The following HECTD4 variants were observed in gnomAD, a reference collection of about 807,000 sequenced individuals.
The protein encoded by HECTD4 is HECT domain E3 ubiquitin protein ligase 4, also known as probable E3 ubiquitin-protein ligase HECTD4.
Under a neutral mutation model 471.5 loss-of-function variants are expected in HECTD4, and 114 were observed. That is an observed-to-expected ratio of 0.24 (90% CI 0.21 to 0.28). HECTD4 has a LOEUF of 0.28. Among genes scored for constraint, HECTD4 ranks in the 10% least tolerant of loss-of-function variants. The pLI is 1.00. For synonymous variants in HECTD4, 2,012 were observed against 2,256.0 expected, an observed-to-expected ratio of 0.89 and a Z score of 3.07; for missense variants, 3,866 against 5,651.5, an observed-to-expected ratio of 0.68 and a Z score of 10.13.
intron 9 of HECTD4, 63 bp from the exon 10 acceptor site, chr12:112,275,023 A>C: frequency 9.7e-7 from 1 of 1,026,642 alleles, no homozygotes. Context: ...TTTAAATTTT[A>C]GGCTTTTAAC....
intron 54 of HECTD4, 60 bp downstream of exon 54, chr12:112,203,576 G>A (rs2032491673): frequency 1.4e-6 from 2 of 1,393,568 alleles, no homozygotes; most frequent in African/African-American, 1.4e-5. Context: ...CTGGGAATCT[G>A]GGTATGACAG....
Position 112,270,215 on chromosome 12 carries a change from CA to C in HECTD4, c.2175+11del. Reference sequence around the variant, plus strand: ...CTCTATCATCTTATTTATTTCAAAACAGTGTATTTACCTGAAAGACAACGAG... The same window carrying C: ...CTCTATCATCTTATTTATTTCAAAACGTGTATTTACCTGAAAGACAACGAG... On this transcript the variant is annotated intron_variant, in intron 12 of 75. Transcript: ENST00000682272. 6.3e-7 allele frequency: 1 copy of C among 1,599,036 alleles called. No individual in the cohort carries two copies. The highest frequency in any genetic ancestry group is 2.2e-5 in the East Asian group (1 of 44,788).
At chr12:112,172,529 C>T (rs112882774) in intron 67 of HECTD4, 142 bp downstream of exon 67, 1 of 804,520 alleles carries the variant, frequency 1.2e-6, no homozygotes, top group Non-Finnish European at 2.0e-6. Flanking sequence ...CCCACTCTTC[C>T]TTGCACACCT....
Position 112,193,657 on chromosome 12 carries a change from T to G in HECTD4, c.8767A>C (p.Ser2923Arg). 6.2e-7 allele frequency: 1 copy of G among 1,612,204 alleles called. No homozygotes were observed. The highest frequency in any genetic ancestry group is 8.5e-7 in the Non-Finnish European group (1 of 1,179,178). ...AAAGACTGCGCCAGGAGGATCGAGC[T>G]GGAGCTGATGGTGCCGTCTGGGGAC... ...PPLPDGTISS[S>R]SILLAQSLQH... Residue 2923 changes from serine to arginine, a missense_variant, in exon 57 of 76, where the codon AGC becomes CGC. Physicochemically the swap from Ser to Arg is moderately radical, Grantham distance 110 (BLOSUM62 -1). Coordinates refer to ENST00000682272, the MANE Select transcript of HECTD4 (RefSeq NM_001388303.1). The surrounding 1 kb of genome is among the most constrained non-coding windows in gnomAD (Gnocchi z 5.2).
At position 112,274,260 on chromosome 12, in the gene HECTD4, G is replaced by A. The variant is rs115224048; in HGVS notation, c.1802-465C>T. 2.1e-3 allele frequency among the ~76,000 whole-genome samples: 313 copies of A among 152,232 alleles called. 2 individuals are homozygous for A. The highest frequency in any genetic ancestry group is 7.2e-3 in the African/African-American group (299 of 41,524). The stretch of plus-strand genomic sequence containing the variant: ...ATAACAGGTATACCAATTCCTCACA[G>A]GAAATAAACTTTTTGTGGCATAAAC... On this transcript the variant is annotated intron_variant, in intron 10 of 75. Transcript: ENST00000682272.
rs1376071306 is a variant in HECTD4, at chr12:112,162,684, G to A, written c.13121-161C>T. 49 of 770,010 alleles carry A rather than the reference G, an allele frequency of 6.4e-5. No individual in the cohort carries two copies. In the East Asian group the frequency reaches 1.3e-3, roughly 20 times the overall value. 47.7% of individuals were successfully genotyped at this position (770,010 alleles called of 1,614,324 possible). A position where few individuals can be genotyped will look rare whatever the true frequency, so the allele number is the denominator to read the frequency against. On this transcript the variant is annotated intron_variant, in intron 75 of 75. Coordinates refer to ENST00000682272, the MANE Select transcript of HECTD4 (RefSeq NM_001388303.1). This position sits in a 1 kb window ranked among gnomAD's most constrained non-coding sequence, Gnocchi z 5.2. ...ATGAGGGCCTGGGAACCTGCGAGATGTTCTTGGAGGGAAAAGGGGAGAGAG... is the reference window on the plus strand; with the variant it reads ...ATGAGGGCCTGGGAACCTGCGAGATATTCTTGGAGGGAAAAGGGGAGAGAG...
In HECTD4 at chr12:112,313,481, A is replaced by ATTTT. The variant is rs34438364; in HGVS notation, c.786-338_786-335dup. Reference sequence around the variant, plus strand: ...AGTCACCTGCCACAATGCCCGGCTAATTTTTTTTTTTTTTTTTTTTTTTTG... The same window carrying ATTTT: ...AGTCACCTGCCACAATGCCCGGCTAATTTTTTTTTTTTTTTTTTTTTTTTTTTTG... On this transcript the variant is annotated intron_variant, in intron 3 of 75. Coordinates refer to ENST00000682272, the MANE Select transcript of HECTD4 (RefSeq NM_001388303.1). Among the ~76,000 whole-genome samples, 12 of 58,928 alleles carry ATTTT rather than the reference A, an allele frequency of 2.0e-4. 1 individual carries two copies. Among genetic ancestry groups the ATTTT allele is most frequent in the African/African-American group, 5.2e-4 (7 of 13,560 alleles). 38.7% of individuals were successfully genotyped at this position (58,928 alleles called of 152,430 possible).
rs2033492289 is a variant in HECTD4 at position 112,235,904 on chromosome 12, T to A, written c.5445-120A>T. On this transcript the variant is annotated intron_variant, in intron 35 of 75. Transcript: ENST00000682272. The surrounding 1 kb of genome is among the most constrained non-coding windows in gnomAD (Gnocchi z 5.0). ...ATCTGATTTCACGAGGAATCATGAA[T>A]GTGGCACTATGCTTCTGTGAAGAAT... The A allele has an allele frequency of 1.2e-5, 10 of 834,020 alleles. No homozygotes were observed. In the South Asian group the frequency reaches 1.7e-4, roughly 14 times the overall value. The allele number at this position is 834,020 out of a possible 1,614,324, so 51.7% of individuals were successfully genotyped here.
intron 44 of HECTD4, among the ~76,000 whole-genome samples, chr12:112,222,424 T>G (rs143154192): frequency 1.3e-5 from 2 of 152,270 alleles, no homozygotes; most frequent in South Asian, 4.1e-4. Flanking sequence ...CCCAGCACTT[T>G]GGGAGGTTGA....
At chr12:112,316,126 C>T (rs2035473011) in intron 2 of HECTD4, among the ~76,000 whole-genome samples, 1 of 152,000 alleles carries the variant, frequency 6.6e-6, no homozygotes, top group Non-Finnish European at 1.5e-5. Flanking sequence ...CATCTCCTGC[C>T]CCTCTCCTTC....
chr12:112,360,939 G>A (rs1308523798), intron 1 of HECTD4, among the ~76,000 whole-genome samples: 4 of 150,072 alleles, frequency 2.7e-5, no homozygotes, highest in African/African-American at 4.9e-5. Context: ...AGCTGAGATC[G>A]CGCCATTGCA....
At chr12:112,308,077 C>T (rs917521093) in intron 6 of HECTD4, among the ~76,000 whole-genome samples, 1 of 152,202 alleles carries the variant, frequency 6.6e-6, no homozygotes. Flanking sequence ...TTGCCTAGGC[C>T]AAGGCCTAGC....
chr12:112,379,551 C>T (rs919665200), intron 1 of HECTD4, among the ~76,000 whole-genome samples: 7 of 151,640 alleles, frequency 4.6e-5, no homozygotes, highest in African/African-American at 1.7e-4. Context: ...AAAATTAGCC[C>T]GGCATGGTGG....
In HECTD4 at chr12:112,194,105, C is replaced by T. The variant is rs1218694699; in HGVS notation, c.8750-431G>A. On this transcript the variant is annotated intron_variant, in intron 56 of 75. Coordinates refer to ENST00000682272, the MANE Select transcript of HECTD4 (RefSeq NM_001388303.1). This position sits in a 1 kb window ranked among gnomAD's most constrained non-coding sequence, Gnocchi z 4.6. ...CTTCTGCCACCACATTTGATGCTTT[C>T]CAGGTATATTTCAGGGCATCTAAGT... Among the ~76,000 whole-genome samples the T allele has an allele frequency of 6.6e-6, 1 of 152,158 alleles. No individual in the cohort carries two copies. The highest frequency in any genetic ancestry group is 1.5e-5 in the Non-Finnish European group (1 of 68,032).
At position 112,228,409 on chromosome 12, in the gene HECTD4, A is replaced by G. The variant is rs1032394546; in HGVS notation, c.6685-151T>C. Among the ~76,000 whole-genome samples, 1 of 152,266 alleles carries G rather than the reference A, an allele frequency of 6.6e-6. No individual in the cohort carries two copies. Among genetic ancestry groups the G allele is most frequent in the African/African-American group, 2.4e-5 (1 of 41,474 alleles). On this transcript the variant is annotated intron_variant, in intron 42 of 75. Coordinates refer to ENST00000682272, the MANE Select transcript of HECTD4 (RefSeq NM_001388303.1). This position sits in a 1 kb window ranked among gnomAD's most constrained non-coding sequence, Gnocchi z 4.9. The stretch of plus-strand genomic sequence containing the variant: ...AGAAAACTACAAACCACATCAAAAC[A>G]ATTAAAAATACATTGTAGAAGAGCC...
intron 52 of HECTD4, among the ~76,000 whole-genome samples, chr12:112,206,403 G>C (rs1273986765): frequency 6.6e-6 from 1 of 152,062 alleles, no homozygotes; most frequent in African/African-American, 2.4e-5. Context: ...GCTGAAGCAG[G>C]AGGATCTCTT....
At chr12:112,262,029 G>A (rs113411078) in intron 17 of HECTD4, 9 of 152,132 alleles carry the variant, frequency 5.9e-5, no homozygotes, top group Non-Finnish European at 1.0e-4. Flanking sequence ...TAGAGAGTTC[G>A]TGGGAGTACA....
At chr12:112,374,788 A>C (rs965950563) in intron 1 of HECTD4, among the ~76,000 whole-genome samples, 1 of 152,250 alleles carries the variant, frequency 6.6e-6, no homozygotes, top group African/African-American at 2.4e-5. Context: ...TGAGTGTATG[A>C]TAAGTATTTA....
At chr12:112,330,439 T>C (rs1291027448) in intron 1 of HECTD4, among the ~76,000 whole-genome samples, 2 of 152,318 alleles carry the variant, frequency 1.3e-5, no homozygotes, top group African/African-American at 2.4e-5. Context: ...AAGACTAATA[T>C]AGTGCAACAT....
Sources: allele counts gnomAD v4.1 joint callset (sites outside exome capture counted in the v4.1 genomes callset), GRCh38; gene constraint gnomAD v4.1.1; non-coding constraint Gnocchi (gnomAD v3.1); transcripts MANE v1.5; gene names NCBI Gene and HGNC (gene_info 2026-07-23, HGNC 2026-07-21).